SPATS2: variants seen among roughly 807,000 people sequenced by gnomAD.
The protein encoded by SPATS2 is spermatogenesis associated serine rich 2.
In SPATS2, 38 loss-of-function variants were observed where a neutral mutation model predicts 63.7. The ratio of observed to expected loss-of-function variants is 0.60; its 90% confidence interval spans 0.46 to 0.78. SPATS2 has a LOEUF of 0.78. Ranked by LOEUF, SPATS2 falls within the 30% of genes least tolerant of loss-of-function variation. The probability of loss-of-function intolerance (pLI) is 0.00; values close to 1 mark genes in which losing one functional copy is unlikely to be tolerated. For synonymous variants in SPATS2, 207 were observed against 232.9 expected (o/e 0.89, Z 1.01); for missense variants, 588 against 666.2 (o/e 0.88, Z 1.29).
At chr12:49,420,698 C>T (rs962510609) in intron 2 of SPATS2, among the ~76,000 whole-genome samples, 1 of 152,098 alleles carries the variant, frequency 6.6e-6, no homozygotes, top group African/African-American at 2.4e-5. Flanking sequence ...ATTCAAAGTA[C>T]CACACATACA....
At chr12:49,495,925 G>C (rs539125278) in intron 7 of SPATS2, among the ~76,000 whole-genome samples, 3 of 152,270 alleles carry the variant, frequency 2.0e-5, no homozygotes, top group Admixed American at 2.0e-4. Flanking sequence ...ATTAAGATTA[G>C]TGTTAGTTGT....
intron 2 of SPATS2, among the ~76,000 whole-genome samples, chr12:49,426,315 C>A (rs1165922134): frequency 6.6e-6 from 1 of 151,980 alleles, no homozygotes; most frequent in Non-Finnish European, 1.5e-5. Context: ...GATCAGGATC[C>A]TAGAAGCCCT....
At chr12:49,423,142 GTT>G (rs1320450085) in intron 2 of SPATS2, among the ~76,000 whole-genome samples, 2 of 141,982 alleles carry the variant, frequency 1.4e-5, no homozygotes. Flanking sequence ...TACTGTTTTT[GTT>G]TTTTTTTTTT....
At chr12:49,393,072 A>T (rs1024968297) in intron 2 of SPATS2, among the ~76,000 whole-genome samples, 1 of 152,100 alleles carries the variant, frequency 6.6e-6, no homozygotes, top group African/African-American at 2.4e-5. Context: ...TAATATAGAA[A>T]CATCTGTGTA....
chr12:49,382,398 T>C (rs1429562107), intron 2 of SPATS2, among the ~76,000 whole-genome samples: 1 of 152,268 alleles, frequency 6.6e-6, no homozygotes, highest in Non-Finnish European at 1.5e-5. Context: ...TTTCTCTTTT[T>C]TATCCTTCCA....
intron 3 of SPATS2, among the ~76,000 whole-genome samples, chr12:49,465,374 TTTA>T (rs1304864950): frequency 6.6e-6 from 1 of 152,056 alleles, no homozygotes; most frequent in South Asian, 2.1e-4. Flanking sequence ...GTCTTTTTTT[TTTA>T]TTATTATAGC....
intron 2 of SPATS2, among the ~76,000 whole-genome samples, chr12:49,423,145 T>G (rs576544499): frequency 6.6e-6 from 1 of 152,028 alleles, no homozygotes; most frequent in East Asian, 1.9e-4. Context: ...TGTTTTTGTT[T>G]TTTTTTTTTG....
At chr12:49,508,792 A>C (rs1946696027) in intron 9 of SPATS2, among the ~76,000 whole-genome samples, 1 of 150,386 alleles carries the variant, frequency 6.6e-6, no homozygotes, top group East Asian at 2.0e-4. Context: ...GGCCAGGTGC[A>C]GTAGCTCACG....
intron 9 of SPATS2, among the ~76,000 whole-genome samples, chr12:49,502,654 A>G (rs1233776361): frequency 6.6e-6 from 1 of 152,004 alleles, no homozygotes; most frequent in East Asian, 1.9e-4. Context: ...ATGAGGTTTC[A>G]CCATATTGCC....
At chr12:49,458,641 A>G (rs915586451) in intron 2 of SPATS2, among the ~76,000 whole-genome samples, 11 of 151,924 alleles carry the variant, frequency 7.2e-5, no homozygotes, top group Admixed American at 4.6e-4. Context: ...TTAGCTGGGC[A>G]TGGTGGTGCA....
At chr12:49,389,003 G>A (rs7487451) in intron 2 of SPATS2, among the ~76,000 whole-genome samples, 2,329 of 152,110 alleles carry the variant, frequency 0.015, 206 homozygotes, top group Admixed American at 0.14. Flanking sequence ...CTTCTTATTT[G>A]CATTCTGTTG....
At chr12:49,447,393 C>A (rs1366523910) in intron 2 of SPATS2, among the ~76,000 whole-genome samples, 1 of 152,160 alleles carries the variant, frequency 6.6e-6, no homozygotes, top group Non-Finnish European at 1.5e-5. Context: ...TGCGCACCAC[C>A]ATGCCTGGCT....
chr12:49,387,384 C>T (rs1016186175), intron 2 of SPATS2, among the ~76,000 whole-genome samples: 1 of 151,882 alleles, frequency 6.6e-6, no homozygotes. Flanking sequence ...TGCCTGTAAT[C>T]CCAGCATTTT....
chr12:49,428,448 CT>C (rs1043285881), intron 2 of SPATS2, among the ~76,000 whole-genome samples: 14 of 152,278 alleles, frequency 9.2e-5, no homozygotes, highest in African/African-American at 3.4e-4. Flanking sequence ...CCTCTTCCCC[CT>C]AGCCTCTGGC....
At chr12:49,516,908 T>G (rs1202043567) in intron 10 of SPATS2, among the ~76,000 whole-genome samples, 3 of 152,176 alleles carry the variant, frequency 2.0e-5, no homozygotes, top group Non-Finnish European at 4.4e-5. Context: ...TCAATGATAT[T>G]ACTCATTTAC....
intron 8 of SPATS2, 95 bp from the exon 9 acceptor site, chr12:49,499,975 A>G: frequency 3.1e-6 from 3 of 968,426 alleles, no homozygotes; most frequent in Non-Finnish European, 4.1e-6. Flanking sequence ...TTCTTAGTCT[A>G]CATGACATTT....
intron 2 of SPATS2, among the ~76,000 whole-genome samples, chr12:49,389,019 A>G (rs1217980919): frequency 9.9e-5 from 15 of 152,144 alleles, no homozygotes. Flanking sequence ...TGTTGTATAT[A>G]TGGAGTCCTT....
At chr12:49,501,162 G>GT (rs531235249) in intron 9 of SPATS2, among the ~76,000 whole-genome samples, 77 of 152,238 alleles carry the variant, frequency 5.1e-4, no homozygotes, top group African/African-American at 1.8e-3. Flanking sequence ...GTCTCACTAT[G>GT]TTGCCCAGGC....
intron 2 of SPATS2, among the ~76,000 whole-genome samples, chr12:49,405,560 G>A (rs150837422): frequency 4.6e-5 from 7 of 152,194 alleles, no homozygotes; most frequent in Admixed American, 2.6e-4. Context: ...TTAGCTGGGC[G>A]TGGTGACCCA....
Sources: allele counts gnomAD v4.1 joint callset (sites outside exome capture counted in the v4.1 genomes callset), GRCh38; gene constraint gnomAD v4.1.1; transcripts MANE v1.5; gene names NCBI Gene and HGNC (gene_info 2026-07-23, HGNC 2026-07-21).